The following GGACT variants were observed in gnomAD, a reference collection of about 807,000 sequenced individuals.
GGACT encodes gamma-glutamylamine cyclotransferase.
For missense variants in GGACT, 241 were observed against 233.2 expected (o/e 1.03, Z -0.22); for synonymous variants, 118 against 115.3 (o/e 1.02, Z -0.15).
intron 2 of GGACT, among the ~76,000 whole-genome samples, chr13:100,561,952 T>C (rs2088765424): frequency 6.6e-6 from 1 of 152,162 alleles, no homozygotes; most frequent in Non-Finnish European, 1.5e-5. Context: ...TAGGAAATCA[T>C]TAACTCTGCT....
At chr13:100,552,940 T>C (rs2088678409) in intron 2 of GGACT, among the ~76,000 whole-genome samples, 1 of 150,828 alleles carries the variant, frequency 6.6e-6, no homozygotes, top group African/African-American at 2.4e-5. Flanking sequence ...AGGCAAGCAG[T>C]AGAGCCTCTG....
intron 2 of GGACT, among the ~76,000 whole-genome samples, chr13:100,553,843 CAAA>C (rs10664762): frequency 8.5e-6 from 1 of 117,732 alleles, no homozygotes; most frequent in Non-Finnish European, 1.7e-5. Context: ...GACTCCATCT[CAAA>C]AAAAAAAAAA....
intron 2 of GGACT, among the ~76,000 whole-genome samples, chr13:100,550,685 C>G (rs953958410): frequency 2.0e-5 from 3 of 152,160 alleles, no homozygotes; most frequent in Admixed American, 1.3e-4. Flanking sequence ...TGGAATGCCC[C>G]GAGAGAACGT....
chr13:100,557,640 A>G (rs1472195890), intron 2 of GGACT, among the ~76,000 whole-genome samples: 1 of 152,216 alleles, frequency 6.6e-6, no homozygotes, highest in East Asian at 1.9e-4. Flanking sequence ...ATGTATCCAA[A>G]TATAAGAGTT....
intron 2 of GGACT, among the ~76,000 whole-genome samples, chr13:100,570,558 G>T (rs1400259090): frequency 6.6e-6 from 1 of 152,164 alleles, no homozygotes; most frequent in African/African-American, 2.4e-5. Context: ...TACAATTCAA[G>T]ATGAGATTTG....
intron 2 of GGACT, among the ~76,000 whole-genome samples, chr13:100,559,382 T>G (rs1204591829): frequency 6.6e-6 from 1 of 152,034 alleles, no homozygotes; most frequent in Non-Finnish European, 1.5e-5. Flanking sequence ...GAATAGGGTT[T>G]CACCATGTTG....
At chr13:100,569,341 C>T (rs951923781) in intron 2 of GGACT, among the ~76,000 whole-genome samples, 2 of 152,232 alleles carry the variant, frequency 1.3e-5, no homozygotes, top group African/African-American at 4.8e-5. Flanking sequence ...CAGAGGTTCC[C>T]AAACCTCAAT....
intron 2 of GGACT, among the ~76,000 whole-genome samples, chr13:100,559,286 C>T (rs2088737065): frequency 6.6e-6 from 1 of 152,206 alleles, no homozygotes; most frequent in South Asian, 2.1e-4. Flanking sequence ...CTCCCTGGCT[C>T]AAGCGATTCT....
At chr13:100,539,511 A>T (rs564162870) in intron 2 of GGACT, 15 of 209,066 alleles carry the variant, frequency 7.2e-5, no homozygotes, top group Non-Finnish European at 1.4e-4. Context: ...ACATTGATTG[A>T]TTTTCTTATA....
intron 2 of GGACT, among the ~76,000 whole-genome samples, chr13:100,574,913 A>C (rs1194170266): frequency 6.6e-6 from 1 of 151,832 alleles, no homozygotes; most frequent in Non-Finnish European, 1.5e-5. Context: ...CCAATTTAAC[A>C]CTTGAAACCA....
At position 100,530,587 on chromosome 13, in the gene GGACT, A is replaced by AT. The variant is rs2088340593; in HGVS notation, c.*1542dup. The AT allele has an allele frequency of 3.4e-6, 1 of 290,568 alleles. No individual in the cohort carries two copies. Among genetic ancestry groups the AT allele is most frequent in the Admixed American group, 4.9e-5 (1 of 20,284 alleles). 18.0% of individuals were successfully genotyped at this position (290,568 alleles called of 1,614,324 possible). A position where few individuals can be genotyped will look rare whatever the true frequency, so the allele number is the denominator to read the frequency against. On this transcript the variant is annotated 3_prime_UTR_variant, in exon 3 of 3. Coordinates refer to ENST00000683975, the MANE Select transcript of GGACT (RefSeq NM_001195087.2). The stretch of plus-strand genomic sequence containing the variant: ...TTGCTTTATTAAATTAGCACTTGCC[A>AT]TTTTTTCATCTGATTGCCTTACTAC...
At chr13:100,578,528 G>C (rs925142375) in intron 2 of GGACT, among the ~76,000 whole-genome samples, 2 of 152,198 alleles carry the variant, frequency 1.3e-5, no homozygotes, top group Non-Finnish European at 2.9e-5. Flanking sequence ...GGTTCTGCTG[G>C]CTTACCTGTG....
chr13:100,543,044 G>A (rs547436959), intron 2 of GGACT, among the ~76,000 whole-genome samples: 1 of 152,212 alleles, frequency 6.6e-6, no homozygotes, highest in Admixed American at 6.5e-5. Context: ...GGATTTAAGA[G>A]TTTATGATGA....
chr13:100,557,459 G>A (rs1450647468), intron 2 of GGACT, among the ~76,000 whole-genome samples: 1 of 152,150 alleles, frequency 6.6e-6, no homozygotes. Context: ...GAGTCCAGAA[G>A]TAGACCCCTA....
At chr13:100,554,051 T>C (rs2088691509) in intron 2 of GGACT, among the ~76,000 whole-genome samples, 1 of 152,168 alleles carries the variant, frequency 6.6e-6, no homozygotes, top group Non-Finnish European at 1.5e-5. Context: ...TGAACAAAGA[T>C]ACATAATTAA....
chr13:100,532,117 C>A lies in GGACT; in HGVS notation c.*13G>T. ...CAGGGCTCTCAAACCTAGGCCCACC[C>A]TGCCCGTCCCCCTTATCTGTTCTCC... On this transcript the variant is annotated 3_prime_UTR_variant, in exon 3 of 3. Transcript: ENST00000683975. The A allele has an allele frequency of 7.0e-7, 1 of 1,436,674 alleles. No individual in the cohort carries two copies. The highest frequency in any genetic ancestry group is 9.2e-7 in the Non-Finnish European group (1 of 1,089,994). The allele number at this position is 1,436,674 out of a possible 1,614,324, so 89.0% of individuals were successfully genotyped here.
chr13:100,542,503 T>G (rs890477889), intron 2 of GGACT, among the ~76,000 whole-genome samples: 2 of 152,192 alleles, frequency 1.3e-5, no homozygotes, highest in African/African-American at 4.8e-5. Context: ...ATGACATGCA[T>G]GAGACCTTAA....
intron 2 of GGACT, among the ~76,000 whole-genome samples, chr13:100,557,949 C>T (rs1206208931): frequency 3.3e-5 from 5 of 151,988 alleles, no homozygotes; most frequent in East Asian, 1.9e-4. Context: ...TTTGGGAGGC[C>T]GAGGCGGGCG....
chr13:100,540,355 T>A (rs1348519983), intron 2 of GGACT: 3 of 667,358 alleles, frequency 4.5e-6, no homozygotes. Context: ...CTCAGTAGGT[T>A]GTGTCTTTCT....
Sources: allele counts gnomAD v4.1 joint callset (sites outside exome capture counted in the v4.1 genomes callset), GRCh38; gene constraint gnomAD v4.1.1; transcripts MANE v1.5; gene names NCBI Gene and HGNC (gene_info 2026-07-23, HGNC 2026-07-21).